Variants in MALRD1 observed in about 807,000 individuals in gnomAD.
MALRD1 encodes MAM and LDL-receptor class A domain-containing protein 1.
In MALRD1, 247 loss-of-function variants were observed where a neutral mutation model predicts 242.1. The ratio of observed to expected loss-of-function variants is 1.02; its 90% CI spans 0.92 to 1.13. The LOEUF (loss-of-function observed/expected upper bound fraction) is 1.13, where lower values mean the gene tolerates loss of function less well. Among genes scored for constraint, MALRD1 ranks in the 50% most tolerant of loss-of-function variants. The pLI is 0.00. For synonymous variants in MALRD1, 995 were observed against 866.6 expected, an observed-to-expected ratio of 1.15 and a Z score of -2.60; for missense variants, 2,989 against 2,533.1, an observed-to-expected ratio of 1.18 and a Z score of -3.86.
chr10:19,095,039 GT>G (rs1229599576), intron 4 of MALRD1, among the ~76,000 whole-genome samples: 6 of 151,968 alleles, frequency 3.9e-5, no homozygotes, highest in Middle Eastern at 3.4e-3. Flanking sequence ...ACCCAAGTTG[GT>G]TTTTTTATCA....
In MALRD1 at chr10:19,389,486, C is replaced by T. The variant is rs899353706; in HGVS notation, c.4722C>T (p.Gly1574=). 21 of 1,550,514 alleles carry T rather than the reference C, an allele frequency of 1.4e-5. No homozygotes were observed. Among genetic ancestry groups the T allele is most frequent in the African/African-American group, 8.2e-5 (6 of 73,146 alleles). ...HFMYLEATAV[G]LRGDKAHFRS... The stretch of plus-strand genomic sequence containing the variant: ...TGTATCTGGAAGCTACTGCAGTGGG[C>T]CTTCGGGGTGACAAAGCACACTTCA... Residue 1574 remains glycine, a synonymous_variant, in exon 28 of 40, where the codon GGC becomes GGT. Transcript: ENST00000454679.
intron 18 of MALRD1, among the ~76,000 whole-genome samples, chr10:19,211,648 T>C (rs1450089709): frequency 2.4e-5 from 3 of 126,482 alleles, no homozygotes; most frequent in East Asian, 2.3e-4. Flanking sequence ...GATGCGCTAC[T>C]GTACTCCAGC....
At position 19,547,812 on chromosome 10, in the gene MALRD1, A is replaced by G. The variant is rs1473655577; in HGVS notation, c.5478+16461A>G. 3.5e-4 allele frequency among the ~76,000 whole-genome samples: 5 copies of G among 14,228 alleles called. 1 individual carries two copies. The East Asian group carries it at 0.013, about 38-fold the overall frequency. 9.3% of individuals were successfully genotyped at this position (14,228 alleles called of 152,430 possible). On this transcript the variant is annotated intron_variant, in intron 32 of 39. Coordinates refer to ENST00000454679, the MANE Select transcript of MALRD1 (RefSeq NM_001142308.3). ...TATATATATATATATATATATATAT[A>G]TATATATTTTTTTTTTTTTTTTTTT...
chr10:19,657,113 G>A (rs1841195174), intron 36 of MALRD1, among the ~76,000 whole-genome samples: 1 of 152,072 alleles, frequency 6.6e-6, no homozygotes, highest in Admixed American at 6.6e-5. Flanking sequence ...TTCTCTCACA[G>A]TCTTTTCATT....
In MALRD1 at chr10:19,173,984, A is replaced by T. The variant is rs568162090; in HGVS notation, c.1831-1224A>T. Among the ~76,000 whole-genome samples the T allele has an allele frequency of 1.5e-4, 23 of 152,322 alleles. 1 individual carries two copies. In the East Asian group the frequency reaches 4.2e-3, roughly 28 times the overall value. ...GAGGTTAAAAAGAAAAAAAATAACA[A>T]ATTTATTAACATTTTATGTGACATA... On this transcript the variant is annotated intron_variant, in intron 13 of 39. Transcript: ENST00000454679.
At chr10:19,669,589 T>A (rs1343636495) in intron 36 of MALRD1, among the ~76,000 whole-genome samples, 1 of 152,182 alleles carries the variant, frequency 6.6e-6, no homozygotes, top group Non-Finnish European at 1.5e-5. Context: ...TTTAATTTAG[T>A]ACAAAATTGT....
chr10:19,652,776 A>G (rs1186511952), intron 36 of MALRD1, among the ~76,000 whole-genome samples: 1 of 152,228 alleles, frequency 6.6e-6, no homozygotes, highest in Non-Finnish European at 1.5e-5. Context: ...CCCATTTTAT[A>G]GTTGAAGAAA....
At chr10:19,103,668 G>A (rs192700584) in intron 4 of MALRD1, among the ~76,000 whole-genome samples, 7 of 152,230 alleles carry the variant, frequency 4.6e-5, no homozygotes, top group East Asian at 3.9e-4. Flanking sequence ...AGGTAAATGC[G>A]AAACAGTGTG....
At chr10:19,641,701 T>C (rs1840391829) in intron 36 of MALRD1, among the ~76,000 whole-genome samples, 1 of 152,206 alleles carries the variant, frequency 6.6e-6, no homozygotes, top group Admixed American at 6.5e-5. Flanking sequence ...CAATTTATAA[T>C]ATAATGTGAG....
chr10:19,482,652 T>TACACACACACAC (rs144094060), intron 29 of MALRD1, among the ~76,000 whole-genome samples: 1,437 of 136,386 alleles, frequency 0.011, 11 homozygotes, highest in East Asian at 0.024. Context: ...TTACAATAGC[T>TACACACACACAC]ACACACACAC....
chr10:19,696,117 A>G (rs1833367084), intron 38 of MALRD1, among the ~76,000 whole-genome samples: 1 of 152,152 alleles, frequency 6.6e-6, no homozygotes, highest in Non-Finnish European at 1.5e-5. Context: ...TGTGCAAAAC[A>G]GGGGCCAAGA....
intron 28 of MALRD1, among the ~76,000 whole-genome samples, chr10:19,408,024 G>A (rs748078429): frequency 1.3e-5 from 2 of 152,120 alleles, no homozygotes; most frequent in Non-Finnish European, 2.9e-5. Context: ...CTGAAACAAT[G>A]AGTATTGCCA....
intron 29 of MALRD1, among the ~76,000 whole-genome samples, chr10:19,481,800 C>T (rs190387550): frequency 1.3e-5 from 2 of 152,080 alleles, no homozygotes; most frequent in African/African-American, 2.4e-5. Flanking sequence ...GTAGGTAATT[C>T]GAAAGGTCAT....
intron 29 of MALRD1, among the ~76,000 whole-genome samples, chr10:19,459,435 A>C (rs1835824900): frequency 6.6e-6 from 1 of 152,136 alleles, no homozygotes; most frequent in Admixed American, 6.5e-5. Context: ...GCTTCAGAAG[A>C]GAGACTTCAT....
intron 26 of MALRD1, among the ~76,000 whole-genome samples, chr10:19,363,475 G>A (rs1465252153): frequency 6.6e-6 from 1 of 152,080 alleles, no homozygotes; most frequent in African/African-American, 2.4e-5. Flanking sequence ...GTCTGAAACT[G>A]GCCATTGTAT....
intron 38 of MALRD1, among the ~76,000 whole-genome samples, chr10:19,695,982 A>G (rs562806192): frequency 2.0e-5 from 3 of 152,316 alleles, no homozygotes; most frequent in East Asian, 1.9e-4. Flanking sequence ...AGTCACTCCA[A>G]TGACACATGA....
chr10:19,239,690 G>A (rs72788027), intron 18 of MALRD1, among the ~76,000 whole-genome samples: 12,043 of 152,160 alleles, frequency 0.079, 611 homozygotes, highest in Non-Finnish European at 0.11. Flanking sequence ...GTAAAAGATA[G>A]GGGTCTAATT....
In MALRD1 at chr10:19,133,962, A is replaced by G. The variant is rs1458056692; in HGVS notation, c.1203+14A>G. The G allele has an allele frequency of 2.5e-6, 3 of 1,194,708 alleles. No individual in the cohort carries two copies. The highest frequency in any genetic ancestry group is 2.1e-6 in the Non-Finnish European group (2 of 954,472). The allele number at this position is 1,194,708 out of a possible 1,614,324, so 74.0% of individuals were successfully genotyped here. A position where few individuals can be genotyped will look rare whatever the true frequency, so the allele number is the denominator to read the frequency against. ...AAGACATTTAAGGTATGAAAGAAAAAAAAAAAGTATTTTTTTATCATGGTT... is the reference window on the plus strand; with the variant it reads ...AAGACATTTAAGGTATGAAAGAAAAGAAAAAAGTATTTTTTTATCATGGTT... On this transcript the variant is annotated intron_variant, in intron 9 of 39. Coordinates refer to ENST00000454679, the MANE Select transcript of MALRD1 (RefSeq NM_001142308.3).
chr10:19,434,801 T>A (rs2483088), intron 28 of MALRD1, among the ~76,000 whole-genome samples: 87,116 of 151,644 alleles, frequency 0.57, 25,760 homozygotes, highest in Middle Eastern at 0.67. Flanking sequence ...ATAAAATGAT[T>A]TTTCTTTTGT....
Sources: allele counts gnomAD v4.1 joint callset (sites outside exome capture counted in the v4.1 genomes callset), GRCh38; gene constraint gnomAD v4.1.1; transcripts MANE v1.5; gene names NCBI Gene and HGNC (gene_info 2026-07-23, HGNC 2026-07-21).